SDCCAG8: variants seen among roughly 807,000 people sequenced by gnomAD.
The protein encoded by SDCCAG8 is serologically defined colon cancer antigen 8.
SDCCAG8 carries 74 observed loss-of-function variants against 101.8 expected under a neutral mutation model. The observed-to-expected ratio is 0.73, with a 90% confidence interval of 0.60 to 0.88. The LOEUF (loss-of-function observed/expected upper bound fraction) is 0.88. SDCCAG8 is among the 40% of genes least tolerant of loss of function. SDCCAG8 has a pLI of 0.00. For missense variants in SDCCAG8, 787 were observed against 822.6 expected (o/e 0.96, Z 0.53); for synonymous variants, 281 against 292.9 (o/e 0.96, Z 0.41).
In SDCCAG8 at chr1:243,327,966, G is replaced by C. The variant is rs181357219; in HGVS notation, c.1069-2574G>C. ...CGCCCAGGCTGTAGTGCAGTGGTGC[G>C]ATCTCAGCTCACTGCAAGCTCCGCC... is the stretch of plus-strand genomic sequence containing the variant. On this transcript the variant is annotated intron_variant, in intron 9 of 17. Transcript: ENST00000366541. Among the ~76,000 whole-genome samples, 51 of 151,830 alleles carry C rather than the reference G, an allele frequency of 3.4e-4. 1 individual carries two copies. The East Asian group carries it at 9.2e-3, about 27-fold the overall frequency.
Position 243,293,494 on chromosome 1 carries a change from G to A in SDCCAG8, c.675+275G>A, listed in dbSNP as rs746622560. ...CCCTGATGACCTCTCTTCAACTTTC[G>A]GTCTGTATAAATTTGCCTATTTCAG... is the stretch of plus-strand genomic sequence containing the variant. On this transcript the variant is annotated intron_variant, in intron 6 of 17. Coordinates refer to ENST00000366541, the MANE Select transcript of SDCCAG8 (RefSeq NM_006642.5). 4.9e-5 allele frequency: 28 copies of A among 572,270 alleles called. 1 individual carries two copies. The highest frequency in any genetic ancestry group is 1.7e-4 in the South Asian group (11 of 65,628). The allele number at this position is 572,270 out of a possible 1,614,324, so 35.4% of individuals were successfully genotyped here.
intron 16 of SDCCAG8, chr1:243,488,084 C>A (rs1003326592): frequency 2.6e-5 from 4 of 152,248 alleles, no homozygotes; most frequent in Non-Finnish European, 5.9e-5. Flanking sequence ...CCCACATGTG[C>A]GGCCTTTTTT....
At chr1:243,452,507 C>G (rs1440766645) in intron 16 of SDCCAG8, among the ~76,000 whole-genome samples, 1 of 146,974 alleles carries the variant, frequency 6.8e-6, no homozygotes, top group Non-Finnish European at 1.5e-5. Flanking sequence ...ACTGCAGCCT[C>G]GAACTCCTGG....
chr1:243,355,568 C>G (rs1174816623), intron 12 of SDCCAG8, among the ~76,000 whole-genome samples: 1 of 152,140 alleles, frequency 6.6e-6, no homozygotes, highest in Non-Finnish European at 1.5e-5. Context: ...ATTTCAAATG[C>G]TACCTTTTCT....
chr1:243,265,555 G>A (rs950005962), intron 1 of SDCCAG8, among the ~76,000 whole-genome samples: 13 of 152,242 alleles, frequency 8.5e-5, no homozygotes, highest in African/African-American at 2.9e-4. Flanking sequence ...GCTCACTCCT[G>A]TAATCCCAGC....
In SDCCAG8 at chr1:243,379,216, A is replaced by G. The variant is rs540930397; in HGVS notation, c.1616+353A>G. On this transcript the variant is annotated intron_variant, in intron 13 of 17. Coordinates refer to ENST00000366541, the MANE Select transcript of SDCCAG8 (RefSeq NM_006642.5). ...ACTGAAGGATGTGAGGAATTCATTT[A>G]GGAAAATAATAAAATACTGTCAGTG... is the stretch of plus-strand genomic sequence containing the variant. Among the ~76,000 whole-genome samples the G allele has an allele frequency of 5.3e-5, 8 of 152,348 alleles. No homozygotes were observed. In the South Asian group the frequency reaches 1.7e-3, roughly 32 times the overall value.
At chr1:243,366,713 G>A (rs752619807) in intron 12 of SDCCAG8, among the ~76,000 whole-genome samples, 7 of 151,962 alleles carry the variant, frequency 4.6e-5, no homozygotes, top group Non-Finnish European at 1.0e-4. Flanking sequence ...CATTGGACTT[G>A]CACTTGTTTT....
chr1:243,263,802 CTT>C (rs1284590815), intron 1 of SDCCAG8, among the ~76,000 whole-genome samples: 5 of 152,216 alleles, frequency 3.3e-5, no homozygotes, highest in South Asian at 2.1e-4. Context: ...CTTGTAATCT[CTT>C]TCACAATTGT....
intron 16 of SDCCAG8, among the ~76,000 whole-genome samples, chr1:243,460,647 C>G (rs1013383516): frequency 6.6e-6 from 1 of 152,232 alleles, no homozygotes; most frequent in Non-Finnish European, 1.5e-5. Context: ...CAAAGTGTGA[C>G]TGAAGCATGT....
intron 12 of SDCCAG8, among the ~76,000 whole-genome samples, chr1:243,373,618 A>G (rs1042020961): frequency 2.0e-5 from 3 of 152,110 alleles, no homozygotes; most frequent in Admixed American, 6.6e-5. Context: ...CCCAGTGCAT[A>G]CACTTCTCAT....
intron 16 of SDCCAG8, chr1:243,476,428 C>A (rs1662423821): frequency 3.3e-6 from 3 of 898,638 alleles, no homozygotes; most frequent in South Asian, 1.0e-4. Flanking sequence ...GCCATCACAC[C>A]TCTGTGGCTA....
At chr1:243,350,181 C>T (rs146516265) in intron 12 of SDCCAG8, among the ~76,000 whole-genome samples, 19 of 152,060 alleles carry the variant, frequency 1.2e-4, no homozygotes, top group Non-Finnish European at 2.2e-4. Context: ...AGAAGGCCTG[C>T]CTGCAAGCCC....
chr1:243,357,824 T>C (rs1051251202), intron 12 of SDCCAG8, among the ~76,000 whole-genome samples: 3 of 152,142 alleles, frequency 2.0e-5, no homozygotes, highest in African/African-American at 7.2e-5. Flanking sequence ...TCAGCAAGGA[T>C]ATTAAAACTC....
chr1:243,378,962 A>G (rs2147906219), intron 13 of SDCCAG8, 99 bp downstream of exon 13: 1 of 1,474,572 alleles, frequency 6.8e-7, no homozygotes, highest in East Asian at 2.3e-5. Context: ...TTAGTCATTC[A>G]ATTCACACTT....
chr1:243,322,359 T>G (rs982127686), intron 9 of SDCCAG8, among the ~76,000 whole-genome samples: 1 of 152,084 alleles, frequency 6.6e-6, no homozygotes, highest in Non-Finnish European at 1.5e-5. Context: ...AATGAGGAGG[T>G]TAAACCTCTC....
intron 16 of SDCCAG8, among the ~76,000 whole-genome samples, chr1:243,478,956 CAAA>C (rs148382740): frequency 0.042 from 3,980 of 94,704 alleles, 77 homozygotes; most frequent in Non-Finnish European, 0.055. Context: ...GACTCTGTCT[CAAA>C]AAAAAAAAAA....
chr1:243,293,495 G>A (rs1212565789), intron 6 of SDCCAG8: 1 of 570,738 alleles, frequency 1.8e-6, no homozygotes, highest in Admixed American at 2.2e-5. Context: ...TCAACTTTCG[G>A]TCTGTATAAA....
intron 8 of SDCCAG8, among the ~76,000 whole-genome samples, chr1:243,313,288 T>C (rs925132871): frequency 2.0e-5 from 3 of 152,220 alleles, no homozygotes; most frequent in Non-Finnish European, 2.9e-5. Flanking sequence ...TTAAAATTAA[T>C]AATAACTGGA....
chr1:243,447,416 G>A (rs1000749506), intron 16 of SDCCAG8, among the ~76,000 whole-genome samples: 20 of 151,944 alleles, frequency 1.3e-4, no homozygotes, highest in African/African-American at 4.8e-4. Flanking sequence ...CTTTTATTTT[G>A]GGGGAGGAAG....
Sources: allele counts gnomAD v4.1 joint callset (sites outside exome capture counted in the v4.1 genomes callset), GRCh38; gene constraint gnomAD v4.1.1; transcripts MANE v1.5; gene names NCBI Gene and HGNC (gene_info 2026-07-23, HGNC 2026-07-21).